The following NKAIN2 variants were observed in gnomAD, a reference collection of about 807,000 sequenced individuals.
NKAIN2 encodes the protein sodium/potassium-transporting ATPase subunit beta-1-interacting protein 2.
Under a neutral mutation model 32.6 loss-of-function variants are expected in NKAIN2, and 14 were observed. That is an observed-to-expected ratio of 0.43 (90% CI 0.28 to 0.67). NKAIN2 has a LOEUF of 0.67. Ranked by LOEUF, NKAIN2 falls within the 30% of genes least tolerant of loss-of-function variation. The pLI, the probability that NKAIN2 is intolerant of heterozygous loss-of-function variation, is 0.17. For missense variants in NKAIN2, 198 were observed against 258.3 expected, an observed-to-expected ratio of 0.77 and a Z score of 1.60; for synonymous variants, 80 against 87.2, an observed-to-expected ratio of 0.92 and a Z score of 0.46.
intron 3 of NKAIN2, among the ~76,000 whole-genome samples, chr6:124,387,570 G>A (rs1246655520): frequency 2.0e-5 from 3 of 152,008 alleles, no homozygotes; most frequent in Non-Finnish European, 4.4e-5. Context: ...GATAACCAAA[G>A]CATATGAGTA....
chr6:123,856,055 A>T (rs573881404), intron 1 of NKAIN2, among the ~76,000 whole-genome samples: 2 of 152,306 alleles, frequency 1.3e-5, no homozygotes, highest in South Asian at 2.1e-4. Flanking sequence ...AATGGTTAAG[A>T]TGTTGCCTAT....
Position 124,013,746 on chromosome 6 carries a change from G to A in NKAIN2, c.54+209492G>A, listed in dbSNP as rs541963678. ...CCAGGTGGGCCCAGTTTAATCACAC[G>A]TGTCTGTAAATGCAGAAACTCTTTC... is the stretch of plus-strand genomic sequence containing the variant. On this transcript the variant is annotated intron_variant, in intron 1 of 6. Coordinates refer to ENST00000368417, the MANE Select transcript of NKAIN2 (RefSeq NM_001040214.3). Among the ~76,000 whole-genome samples the A allele has an allele frequency of 9.2e-5, 14 of 152,230 alleles. No individual in the cohort carries two copies. In the East Asian group the frequency reaches 2.1e-3, roughly 23 times the overall value.
At chr6:123,990,236 T>C (rs180767205) in intron 1 of NKAIN2, among the ~76,000 whole-genome samples, 1 of 152,288 alleles carries the variant, frequency 6.6e-6, no homozygotes, top group Admixed American at 6.5e-5. Flanking sequence ...TTATAAGGAT[T>C]ATGGGGATTA....
rs775813578 is a variant in NKAIN2, at chr6:123,849,961, TGTTTGTTTG to T, written c.54+45708_54+45716del. On this transcript the variant is annotated intron_variant, in intron 1 of 6. Transcript: ENST00000368417. ...GTAACTCAGGCTGGTTTTTTTTTTTTGTTTGTTTGTTTTTTTTTTAACTTTCTGTGGAGA... is the reference window on the plus strand; with the variant it reads ...GTAACTCAGGCTGGTTTTTTTTTTTTTTTTTTTTTTAACTTTCTGTGGAGA... Among the ~76,000 whole-genome samples, 145 of 93,866 alleles carry T rather than the reference TGTTTGTTTG, an allele frequency of 1.5e-3. 4 individuals carry two copies. The highest frequency in any genetic ancestry group is 2.2e-3 in the Admixed American group (16 of 7,230). 61.6% of individuals were successfully genotyped at this position (93,866 alleles called of 152,430 possible). A position where few individuals can be genotyped will look rare whatever the true frequency, so the allele number is the denominator to read the frequency against.
chr6:124,047,077 A>G (rs1236256522), intron 1 of NKAIN2, among the ~76,000 whole-genome samples: 2 of 152,010 alleles, frequency 1.3e-5, no homozygotes, highest in Non-Finnish European at 2.9e-5. Flanking sequence ...AAAGGTCACT[A>G]TCTGTACTGC....
chr6:124,755,032 G>A (rs765586317), intron 4 of NKAIN2, among the ~76,000 whole-genome samples: 25 of 152,208 alleles, frequency 1.6e-4, no homozygotes, highest in South Asian at 4.1e-4. Flanking sequence ...ATCACAAGGC[G>A]AAATCCCATG....
At chr6:124,809,213 C>T (rs1312510268) in intron 5 of NKAIN2, among the ~76,000 whole-genome samples, 2 of 151,612 alleles carry the variant, frequency 1.3e-5, no homozygotes, top group South Asian at 2.1e-4. Flanking sequence ...GGAGGCATCA[C>T]ACTACCTGAC....
At chr6:124,331,277 G>C (rs944474242) in intron 2 of NKAIN2, among the ~76,000 whole-genome samples, 4 of 143,540 alleles carry the variant, frequency 2.8e-5, no homozygotes, top group Non-Finnish European at 6.0e-5. Context: ...TGAGGCAGGC[G>C]TATCACGAGG....
At chr6:123,935,457 T>A (rs191227947) in intron 1 of NKAIN2, among the ~76,000 whole-genome samples, 73 of 151,924 alleles carry the variant, frequency 4.8e-4, no homozygotes, top group East Asian at 1.9e-4. Flanking sequence ...CACTTTTTTT[T>A]ATAAACTATC....
intron 4 of NKAIN2, among the ~76,000 whole-genome samples, chr6:124,780,677 C>T (rs533308150): frequency 2.0e-5 from 3 of 152,218 alleles, no homozygotes; most frequent in Admixed American, 6.5e-5. Flanking sequence ...AAAGAGTTAT[C>T]GTTTAGATTT....
At chr6:124,050,647 T>C (rs1782360814) in intron 1 of NKAIN2, among the ~76,000 whole-genome samples, 1 of 152,068 alleles carries the variant, frequency 6.6e-6, no homozygotes, top group South Asian at 2.1e-4. Flanking sequence ...TACGGTCAGT[T>C]TGTGCACTTG....
chr6:124,811,383 A>G (rs939491324), intron 5 of NKAIN2, among the ~76,000 whole-genome samples: 5 of 152,160 alleles, frequency 3.3e-5, no homozygotes, highest in Non-Finnish European at 7.3e-5. Flanking sequence ...CTCATTGCCA[A>G]CATGTATTTA....
At chr6:123,911,814 C>CAA (rs1464799980) in intron 1 of NKAIN2, among the ~76,000 whole-genome samples, 1,116 of 54,162 alleles carry the variant, frequency 0.021, 141 homozygotes, top group African/African-American at 0.094. Flanking sequence ...TATATATATA[C>CAA]ACACACACAC....
chr6:124,253,832 T>C lies in NKAIN2; in HGVS notation c.55-29173T>C, dbSNP rs1427905202. Among the ~76,000 whole-genome samples, 8 of 113,994 alleles carry C rather than the reference T, an allele frequency of 7.0e-5. No individual in the cohort carries two copies. The East Asian group carries it at 2.1e-3, about 30-fold the overall frequency. The allele number at this position is 113,994 out of a possible 152,430, so 74.8% of individuals were successfully genotyped here. On this transcript the variant is annotated intron_variant, in intron 1 of 6. Coordinates refer to ENST00000368417, the MANE Select transcript of NKAIN2 (RefSeq NM_001040214.3). ...CGGTTGTTTATGTGCAATGTTCTACTTTTTTTTTTTTTTTTTTTGAAACAG... is the reference window on the plus strand; with the variant it reads ...CGGTTGTTTATGTGCAATGTTCTACCTTTTTTTTTTTTTTTTTTGAAACAG...
intron 4 of NKAIN2, among the ~76,000 whole-genome samples, chr6:124,719,994 T>G (rs1775936840): frequency 6.6e-6 from 1 of 152,164 alleles, no homozygotes; most frequent in Non-Finnish European, 1.5e-5. Flanking sequence ...CCAAAGAGAA[T>G]GTCAAATTCT....
intron 1 of NKAIN2, among the ~76,000 whole-genome samples, chr6:124,083,381 T>C (rs759995357): frequency 6.6e-6 from 1 of 151,968 alleles, no homozygotes; most frequent in Non-Finnish European, 1.5e-5. Flanking sequence ...ATTGTTATTA[T>C]TGTCATCATT....
intron 4 of NKAIN2, among the ~76,000 whole-genome samples, chr6:124,665,281 A>T (rs563943531): frequency 6.6e-6 from 1 of 152,360 alleles, no homozygotes; most frequent in East Asian, 1.9e-4. Flanking sequence ...GCAGTAATTG[A>T]AACAGTATGG....
intron 1 of NKAIN2, among the ~76,000 whole-genome samples, chr6:124,025,591 T>C (rs1781071070): frequency 6.6e-6 from 1 of 152,170 alleles, no homozygotes; most frequent in African/African-American, 2.4e-5. Flanking sequence ...TCCCGTTAGG[T>C]TGAATAAGTT....
At chr6:124,733,234 T>C (rs1355967884) in intron 4 of NKAIN2, among the ~76,000 whole-genome samples, 1 of 151,954 alleles carries the variant, frequency 6.6e-6, no homozygotes, top group African/African-American at 2.4e-5. Context: ...AATACTATAA[T>C]GGTGGATACA....
Sources: allele counts gnomAD v4.1 joint callset (sites outside exome capture counted in the v4.1 genomes callset), GRCh38; gene constraint gnomAD v4.1.1; transcripts MANE v1.5; gene names NCBI Gene and HGNC (gene_info 2026-07-23, HGNC 2026-07-21).